MLYCD: variants seen among roughly 807,000 people sequenced by gnomAD.
MLYCD encodes malonyl-CoA decarboxylase, mitochondrial.
In MLYCD, 27 loss-of-function variants were observed where a neutral mutation model predicts 35.8. The observed-to-expected ratio is 0.75, with a 90% CI of 0.56 to 1.04. The LOEUF is 1.04. MLYCD is among the 50% of genes least tolerant of loss of function. The probability of loss-of-function intolerance (pLI) is 0.00; values close to 1 mark genes in which losing one functional copy is unlikely to be tolerated. For synonymous variants in MLYCD, 403 were observed against 302.4 expected, an observed-to-expected ratio of 1.33 and a Z score of -3.45; for missense variants, 917 against 665.1, an observed-to-expected ratio of 1.38 and a Z score of -4.17.
At chr16:83,913,702 T>TGCCTA (rs1194982969) in intron 4 of MLYCD, 1 of 151,224 alleles carries the variant, frequency 6.6e-6, no homozygotes, top group Non-Finnish European at 1.5e-5. Context: ...TAGTCCCAGC[T>TGCCTA]ACTCGGGAGG....
chr16:83,908,194 G>C lies in MLYCD; in HGVS notation c.710G>C (p.Cys237Ser), dbSNP rs1397868768. 1.2e-6 allele frequency: 2 copies of C among 1,614,106 alleles called. No homozygotes were observed. Among genetic ancestry groups the C allele is most frequent in the Admixed American group, 1.7e-5 (1 of 60,008 alleles). ...MKRRVGPYRR[C>S]YFFSHCSTPG... ...CGCCGCGTTGGGCCCTACAGAAGGTGTTACTTCTTTTCTCACTGTTCGACC... is the reference window on the plus strand; with the variant it reads ...CGCCGCGTTGGGCCCTACAGAAGGTCTTACTTCTTTTCTCACTGTTCGACC... Residue 237 changes from cysteine (C) to serine (S), a missense_variant, in exon 3 of 5, where the codon TGT becomes TCT. Coordinates refer to ENST00000262430, the MANE Select transcript of MLYCD (RefSeq NM_012213.3).
At chr16:83,906,164 A>G (rs527282853) in intron 1 of MLYCD, among the ~76,000 whole-genome samples, 55 of 152,232 alleles carry the variant, frequency 3.6e-4, no homozygotes, top group African/African-American at 1.3e-3. Context: ...AGGCAGGCAG[A>G]TTGCCTGTGC....
chr16:83,915,606 T>C lies in MLYCD; in HGVS notation c.*117T>C. The C allele has an allele frequency of 1.3e-6, 2 of 1,535,302 alleles. No individual in the cohort carries two copies. The highest frequency in any genetic ancestry group is 1.2e-5 in the South Asian group (1 of 83,658). On this transcript the variant is annotated 3_prime_UTR_variant, in exon 5 of 5. Transcript: ENST00000262430. ...AGCAAAGCCAAAGTTGACTGTGTTC[T>C]TGTCCCGCAGCCGGTCCACACTGTG... is the stretch of plus-strand genomic sequence containing the variant.
chr16:83,919,697 C>T lies in MLYCD; in HGVS notation c.*4208C>T, dbSNP rs990274956. The T allele has an allele frequency of 6.7e-6, 1 of 149,300 alleles. No individual in the cohort carries two copies. Among genetic ancestry groups the T allele is most frequent in the Non-Finnish European group, 1.5e-5 (1 of 67,996 alleles). The allele number at this position is 149,300 out of a possible 1,614,324, so 9.2% of individuals were successfully genotyped here. On this transcript the variant is annotated 3_prime_UTR_variant, in exon 5 of 5. Coordinates refer to ENST00000262430, the MANE Select transcript of MLYCD (RefSeq NM_012213.3). ...ACAGGAGAACACACAGTGCACAGAACACACGGGGCACAGGAGAACACACAG... is the reference window on the plus strand; with the variant it reads ...ACAGGAGAACACACAGTGCACAGAATACACGGGGCACAGGAGAACACACAG...
chr16:83,916,499 A>C lies in MLYCD; in HGVS notation c.*1010A>C, dbSNP rs1907395587. ...GTGCACGAGCGTCTCTGTGTGTATC[A>C]GTGCATGTCTGTGTACGTGTGCACG... is the stretch of plus-strand genomic sequence containing the variant. On this transcript the variant is annotated 3_prime_UTR_variant, in exon 5 of 5. Coordinates refer to ENST00000262430, the MANE Select transcript of MLYCD (RefSeq NM_012213.3). The C allele has an allele frequency of 7.3e-6, 1 of 136,380 alleles. No individual in the cohort carries two copies. 8.4% of individuals were successfully genotyped at this position (136,380 alleles called of 1,614,324 possible). A position where few individuals can be genotyped will look rare whatever the true frequency, so the allele number is the denominator to read the frequency against.
intron 3 of MLYCD, among the ~76,000 whole-genome samples, chr16:83,911,376 G>A (rs552644763): frequency 6.6e-6 from 1 of 152,220 alleles, no homozygotes; most frequent in Non-Finnish European, 1.5e-5. Flanking sequence ...AGAATCGAAG[G>A]TCGCTGGTAG....
At chr16:83,899,864 C>A (rs1906721785) in intron 1 of MLYCD, among the ~76,000 whole-genome samples, 192 bp downstream of exon 1, 1 of 152,238 alleles carries the variant, frequency 6.6e-6, no homozygotes. Context: ...CAGAGCACAC[C>A]CCCGCCTTCC....
At chr16:83,912,066 A>G in intron 3 of MLYCD, 152 bp from the exon 4 acceptor site, 4 of 1,094,550 alleles carry the variant, frequency 3.7e-6, no homozygotes, top group Non-Finnish European at 5.5e-6. Context: ...AGCAGCTTTT[A>G]GGCTCTGTAG....
intron 4 of MLYCD, chr16:83,912,632 T>A (rs1370094187): frequency 4.0e-6 from 2 of 497,688 alleles, no homozygotes; most frequent in South Asian, 4.0e-5. Flanking sequence ...GGTCATCAAC[T>A]CTCTCTAGGG....
At position 83,912,299 on chromosome 16, in the gene MLYCD, A is replaced by G. The variant is rs200365808; in HGVS notation, c.880A>G (p.Thr294Ala). Residue 294 changes from threonine to alanine, a missense_variant, in exon 4 of 5, where the codon ACC (threonine) becomes GCC (alanine). Thr to Ala is a moderately conservative substitution (Grantham distance 58, BLOSUM62 0). Transcript: ENST00000262430. ...TAAIFYSISL[T>A]QQGLQGVELG... ...TGCGATCTTTTATTCCATCAGCTTG[A>G]CCCAGCAGGGACTCCAAGGGGTGGA... The G allele has an allele frequency of 8.6e-5, 138 of 1,614,000 alleles. No homozygotes were observed. The highest frequency in any genetic ancestry group is 1.1e-4 in the Non-Finnish European group (133 of 1,180,034).
chr16:83,920,383 G>C lies in MLYCD; in HGVS notation c.*4894G>C, dbSNP rs1419653851. On this transcript the variant is annotated 3_prime_UTR_variant, in exon 5 of 5. Transcript: ENST00000262430. ...GGTCGCTGCCTGTGAACAGTTGACAGACCTAAAGCCAGCCAGAATGTTCTG... is the reference window on the plus strand; with the variant it reads ...GGTCGCTGCCTGTGAACAGTTGACACACCTAAAGCCAGCCAGAATGTTCTG... The C allele has an allele frequency of 6.6e-6, 1 of 152,236 alleles. No homozygotes were observed. The highest frequency in any genetic ancestry group is 2.4e-5 in the African/African-American group (1 of 41,458). 9.4% of individuals were successfully genotyped at this position (152,236 alleles called of 1,614,324 possible).
chr16:83,903,916 C>T (rs1199150026), intron 1 of MLYCD, among the ~76,000 whole-genome samples: 1 of 152,202 alleles, frequency 6.6e-6, no homozygotes, highest in Non-Finnish European at 1.5e-5. Flanking sequence ...GCAGAGGCCT[C>T]TTTCCCTGGT....
At chr16:83,906,706 T>TG (rs1452186531) in intron 1 of MLYCD, among the ~76,000 whole-genome samples, 1 of 150,758 alleles carries the variant, frequency 6.6e-6, no homozygotes, top group Non-Finnish European at 1.5e-5. Context: ...AGATATTATT[T>TG]GATTTGGGCA....
At position 83,917,816 on chromosome 16, in the gene MLYCD, C is replaced by G. The variant is rs561686120; in HGVS notation, c.*2327C>G. 6.6e-6 allele frequency: 1 copy of G among 152,426 alleles called. No homozygotes were observed. The highest frequency in any genetic ancestry group is 2.1e-4 in the South Asian group (1 of 4,830). 9.4% of individuals were successfully genotyped at this position (152,426 alleles called of 1,614,324 possible). On this transcript the variant is annotated 3_prime_UTR_variant, in exon 5 of 5. Transcript: ENST00000262430. Reference sequence around the variant, plus strand: ...CCTGCTGCCTCCAGAGTGCCATGGACAGATCACCCATTCTCGATCACTCCG... The same window carrying G: ...CCTGCTGCCTCCAGAGTGCCATGGAGAGATCACCCATTCTCGATCACTCCG...
At chr16:83,900,511 G>C (rs1239825863) in intron 1 of MLYCD, among the ~76,000 whole-genome samples, 2 of 151,504 alleles carry the variant, frequency 1.3e-5, no homozygotes, top group Non-Finnish European at 2.9e-5. Context: ...ACTTCCCCAG[G>C]CTCAAGCAAT....
rs1325672153 is a variant in MLYCD, at chr16:83,899,222, G to C, written c.78G>C (p.Arg26=). ...TGCCCCCGCGGCCGCCCGGGCCCCG[G>C]CTGGCGAGCGGGCAGGCGGCCGGCG... ...LRLPPRPPGP[R]LASGQAAGAL... The change falls in exon 1 of 5, where the codon CGG becomes CGC. Residue 26 remains arginine (R), a synonymous_variant. Transcript: ENST00000262430. 8.1e-7 allele frequency: 1 copy of C among 1,227,884 alleles called. No individual in the cohort carries two copies. The highest frequency in any genetic ancestry group is 1.0e-6 in the Non-Finnish European group (1 of 988,500). 76.1% of individuals were successfully genotyped at this position (1,227,884 alleles called of 1,614,324 possible). A position where few individuals can be genotyped will look rare whatever the true frequency, so the allele number is the denominator to read the frequency against.
Position 83,914,953 on chromosome 16 carries a change from C to T in MLYCD, c.949-3C>T. 1 of 1,614,250 alleles carries T rather than the reference C, an allele frequency of 6.2e-7. No individual in the cohort carries two copies. The highest frequency in any genetic ancestry group is 8.5e-7 in the Non-Finnish European group (1 of 1,180,048). On this transcript the variant is annotated splice_polypyrimidine_tract_variant and splice_region_variant and intron_variant, in intron 4 of 4. Transcript: ENST00000262430. ...TCCTTTCCACCCCAACCATGCTTTACAGAGAGAGTTTCCTCACCTTGGGGT... is the reference window on the plus strand; with the variant it reads ...TCCTTTCCACCCCAACCATGCTTTATAGAGAGAGTTTCCTCACCTTGGGGT...
In MLYCD at chr16:83,921,211, A is replaced by G. The variant is rs1907642911; in HGVS notation, c.*5722A>G. 2 of 145,046 alleles carry G rather than the reference A, an allele frequency of 1.4e-5. No individual in the cohort carries two copies. The highest frequency in any genetic ancestry group is 5.1e-5 in the African/African-American group (2 of 39,006). The allele number at this position is 145,046 out of a possible 1,614,324, so 9.0% of individuals were successfully genotyped here. ...GGAAGATGGATGGATGGAATGATGG[A>G]TGGGTGGTAGAGGGTGGATGGAAGG... is the stretch of plus-strand genomic sequence containing the variant. On this transcript the variant is annotated 3_prime_UTR_variant, in exon 5 of 5. Coordinates refer to ENST00000262430, the MANE Select transcript of MLYCD (RefSeq NM_012213.3).
chr16:83,910,451 C>T (rs1193400690), intron 3 of MLYCD, among the ~76,000 whole-genome samples: 1 of 151,956 alleles, frequency 6.6e-6, no homozygotes, highest in Non-Finnish European at 1.5e-5. Context: ...CCCCGGGAGG[C>T]TGAGGAGGCA....
Sources: allele counts gnomAD v4.1 joint callset (sites outside exome capture counted in the v4.1 genomes callset), GRCh38; gene constraint gnomAD v4.1.1; transcripts MANE v1.5; gene names NCBI Gene and HGNC (gene_info 2026-07-23, HGNC 2026-07-21).